Variants in RFX2 observed in about 807,000 individuals in gnomAD.
The protein encoded by RFX2 is DNA-binding protein RFX2.
RFX2 carries 20 observed loss-of-function variants against 87.8 expected under a neutral mutation model. That is an observed-to-expected ratio of 0.23 (90% CI 0.16 to 0.33). RFX2 has a LOEUF of 0.33. Ranked by LOEUF, RFX2 falls within the 10% of genes least tolerant of loss-of-function variation. RFX2 has a pLI of 1.00. For synonymous variants in RFX2, 397 were observed against 431.3 expected (o/e 0.92, Z 0.98); for missense variants, 767 against 1,012.3 (o/e 0.76, Z 3.29).
chr19:6,080,895 G>A (rs1484587972), intron 1 of RFX2, among the ~76,000 whole-genome samples: 1 of 152,036 alleles, frequency 6.6e-6, no homozygotes, highest in African/African-American at 2.4e-5. Flanking sequence ...AATTAGCTGG[G>A]TGTGGTGATG....
At chr19:6,093,512 G>A (rs1274784398) in intron 1 of RFX2, among the ~76,000 whole-genome samples, 1 of 152,114 alleles carries the variant, frequency 6.6e-6, no homozygotes, top group Non-Finnish European at 1.5e-5. Flanking sequence ...TCCAGCCTGG[G>A]CGACAGAGCA....
rs1362452875 is a variant in RFX2 at position 6,002,510 on chromosome 19, C to T, written c.1650+211G>A. On this transcript the variant is annotated intron_variant, in intron 14 of 17. Transcript: ENST00000303657. The surrounding 1 kb of genome is among the most constrained non-coding windows in gnomAD (Gnocchi z 6.7). ...AAATGAGCAGAAGTGTTGGCCACAG[C>T]GCCTGGACGCCAGAGGGCCCTGAGA... Among the ~76,000 whole-genome samples the T allele has an allele frequency of 6.6e-6, 1 of 152,166 alleles. No homozygotes were observed. Among genetic ancestry groups the T allele is most frequent in the Non-Finnish European group, 1.5e-5 (1 of 68,034 alleles).
intron 1 of RFX2, among the ~76,000 whole-genome samples, chr19:6,086,588 A>G (rs1568191309): frequency 6.6e-6 from 1 of 152,250 alleles, no homozygotes; most frequent in African/African-American, 2.4e-5. Context: ...CTGCATTATA[A>G]GCAAATAATT....
intron 1 of RFX2, among the ~76,000 whole-genome samples, chr19:6,096,868 C>T (rs756683931): frequency 1.1e-4 from 16 of 152,216 alleles, no homozygotes; most frequent in Non-Finnish European, 2.1e-4. Flanking sequence ...CCCAGGGTCC[C>T]CCACCATCTT....
At chr19:6,108,086 C>A (rs1184291640) in intron 1 of RFX2, among the ~76,000 whole-genome samples, 5 of 152,184 alleles carry the variant, frequency 3.3e-5, no homozygotes, top group Non-Finnish European at 7.3e-5. Flanking sequence ...CCTGCAGGAG[C>A]AAACTATTTC....
intron 1 of RFX2, among the ~76,000 whole-genome samples, chr19:6,060,629 C>T (rs990248964): frequency 1.3e-5 from 2 of 152,138 alleles, no homozygotes; most frequent in Non-Finnish European, 2.9e-5. Context: ...CATGTCTGCC[C>T]ACTGTTCTTC....
At position 6,013,617 on chromosome 19, in the gene RFX2, T is replaced by A. The variant is rs1275711483; in HGVS notation, c.780-512A>T. On this transcript the variant is annotated intron_variant, in intron 7 of 17. Transcript: ENST00000303657. This position sits in a 1 kb window ranked among gnomAD's most constrained non-coding sequence, Gnocchi z 4.1. ...GTCACTATCACTTGACCTCCTGGGA[T>A]CAAGTGATCCTCCTGCCTCAGCCTC... 2.0e-5 allele frequency among the ~76,000 whole-genome samples: 3 copies of A among 152,010 alleles called. No homozygotes were observed. The highest frequency in any genetic ancestry group is 4.4e-5 in the Non-Finnish European group (3 of 67,990).
At position 6,050,785 on chromosome 19, in the gene RFX2, A is replaced by G. The variant is rs533920049; in HGVS notation, c.-8-3281T>C. 1.4e-4 allele frequency among the ~76,000 whole-genome samples: 21 copies of G among 152,348 alleles called. No individual in the cohort carries two copies. The South Asian group carries it at 4.1e-3, about 30-fold the overall frequency. ...TTGAAAAATGGCCAAACACCTCTAC[A>G]TTGGGTGATGGATATCAACTTAGAG... On this transcript the variant is annotated intron_variant, in intron 1 of 17. Transcript: ENST00000303657. This position sits in a 1 kb window ranked among gnomAD's most constrained non-coding sequence, Gnocchi z 4.6.
At chr19:6,080,202 A>ATGTGTGTGTG (rs368062995) in intron 1 of RFX2, among the ~76,000 whole-genome samples, 8,153 of 138,384 alleles carry the variant, frequency 0.059, 286 homozygotes, top group Middle Eastern at 0.076. Flanking sequence ...TGCCTGGTTA[A>ATGTGTGTGTG]TGTGTGTGTG....
rs375267694 is a variant in RFX2 at position 6,047,506 on chromosome 19, T to C, written c.-8-2A>G. 1.0e-5 allele frequency: 16 copies of C among 1,602,986 alleles called. No individual in the cohort carries two copies. The highest frequency in any genetic ancestry group is 1.4e-5 in the Non-Finnish European group (16 of 1,174,546). The stretch of plus-strand genomic sequence containing the variant: ...CCTCGGAATTCTGCATGCTCAGGTC[T>C]AAAGAAAGGCGGAGAGAGATTGGGT... On this transcript the variant is annotated splice_acceptor_variant, in intron 1 of 17. Coordinates refer to ENST00000303657, the MANE Select transcript of RFX2 (RefSeq NM_000635.4). LOFTEE classifies it low-confidence loss of function (5UTR_SPLICE). This position sits in a 1 kb window ranked among gnomAD's most constrained non-coding sequence, Gnocchi z 4.2.
chr19:6,098,774 G>A (rs1255724832), intron 1 of RFX2, among the ~76,000 whole-genome samples: 1 of 152,084 alleles, frequency 6.6e-6, no homozygotes, highest in Non-Finnish European at 1.5e-5. Flanking sequence ...GGGGAACAAA[G>A]CTGGGGAAAT....
chr19:6,075,204 C>G (rs1473023146), intron 1 of RFX2, among the ~76,000 whole-genome samples: 1 of 151,916 alleles, frequency 6.6e-6, no homozygotes, highest in African/African-American at 2.4e-5. Context: ...TGGCCTTTTG[C>G]TGAAACAGCC....
At chr19:6,060,709 C>T (rs1008207329) in intron 1 of RFX2, among the ~76,000 whole-genome samples, 6 of 152,050 alleles carry the variant, frequency 3.9e-5, no homozygotes, top group Middle Eastern at 3.2e-3. Context: ...TCGTGTCGCT[C>T]CTCGAAGCTC....
rs952433696 is a variant in RFX2, at chr19:6,055,626, G to A, written c.-8-8122C>T. On this transcript the variant is annotated intron_variant, in intron 1 of 17. Transcript: ENST00000303657. The stretch of plus-strand genomic sequence containing the variant: ...TTGGGTAGAGACAGGGTTTCACCAT[G>A]TTGCCCAGGCTGGTCTCAAACTCCT... 2.0e-5 allele frequency among the ~76,000 whole-genome samples: 3 copies of A among 152,250 alleles called. No homozygotes were observed. The South Asian group carries it at 6.2e-4, about 32-fold the overall frequency.
intron 13 of RFX2, among the ~76,000 whole-genome samples, 166 bp from the exon 14 acceptor site, chr19:6,003,036 T>A (rs2086515601): frequency 6.6e-6 from 1 of 152,098 alleles, no homozygotes. Context: ...GGACCCAGTG[T>A]GTGAGAATCA....
Position 6,047,336 on chromosome 19 carries a change from G to A in RFX2, c.90+71C>T, listed in dbSNP as rs558956057. ...CAGATTCCTCTCTTTGCAGATCTGA[G>A]CAGCTTTCAAACCCATAGAGATCGC... On this transcript the variant is annotated intron_variant, in intron 2 of 17. Coordinates refer to ENST00000303657, the MANE Select transcript of RFX2 (RefSeq NM_000635.4). The surrounding 1 kb of genome is among the most constrained non-coding windows in gnomAD (Gnocchi z 4.2). 1 of 1,205,068 alleles carries A rather than the reference G, an allele frequency of 8.3e-7. No individual in the cohort carries two copies. Among genetic ancestry groups the A allele is most frequent in the Non-Finnish European group, 1.2e-6 (1 of 852,968 alleles). 74.6% of individuals were successfully genotyped at this position (1,205,068 alleles called of 1,614,324 possible). A position where few individuals can be genotyped will look rare whatever the true frequency, so the allele number is the denominator to read the frequency against.
intron 1 of RFX2, chr19:6,072,808 C>T (rs1599906300): frequency 9.3e-7 from 1 of 1,074,520 alleles, no homozygotes; most frequent in South Asian, 1.3e-5. Flanking sequence ...TGGCAGCTGT[C>T]TCCTCCTCAG....
chr19:6,079,562 C>T (rs556055630), intron 1 of RFX2, among the ~76,000 whole-genome samples: 2 of 152,284 alleles, frequency 1.3e-5, no homozygotes, highest in South Asian at 4.1e-4. Context: ...TGGACTTGCT[C>T]TCCATCCTGT....
chr19:5,999,739 G>A lies in RFX2; in HGVS notation c.1859+2076C>T, dbSNP rs1265847502. ...GATGACAGGTGACGGTCAATGCCAG[G>A]AGAAAGGCAGGGCATGGGGCATGCA... On this transcript the variant is annotated intron_variant, in intron 15 of 17. Transcript: ENST00000303657. The surrounding 1 kb of genome is among the most constrained non-coding windows in gnomAD (Gnocchi z 4.1). 6.6e-6 allele frequency among the ~76,000 whole-genome samples: 1 copy of A among 152,148 alleles called. No individual in the cohort carries two copies. Among genetic ancestry groups the A allele is most frequent in the African/African-American group, 2.4e-5 (1 of 41,434 alleles).
Sources: allele counts gnomAD v4.1 joint callset (sites outside exome capture counted in the v4.1 genomes callset), GRCh38; gene constraint gnomAD v4.1.1; non-coding constraint Gnocchi (gnomAD v3.1); transcripts MANE v1.5; gene names NCBI Gene and HGNC (gene_info 2026-07-23, HGNC 2026-07-21).